The following EIF2S3 variants were observed in gnomAD, a reference collection of about 807,000 sequenced individuals.
EIF2S3 encodes eukaryotic translation initiation factor 2 subunit gamma.
A neutral mutation model predicts 31.7 loss-of-function variants in EIF2S3; 2 were observed. The ratio of observed to expected loss-of-function variants is 0.06; its 90% confidence interval spans 0.03 to 0.20. The LOEUF (loss-of-function observed/expected upper bound fraction) is 0.20. Ranked by LOEUF, EIF2S3 falls within the 10% of genes least tolerant of loss-of-function variation. The pLI is 1.00. For synonymous variants in EIF2S3, 120 were observed against 126.7 expected (o/e 0.95, Z 0.36); for missense variants, 96 against 359.3 (o/e 0.27, Z 5.92).
chrX:24,064,164 CTG>C (rs763714605), intron 6 of EIF2S3, 35 bp from the exon 7 acceptor site: 140 of 1,069,959 alleles, frequency 1.3e-4, no homozygotes, highest in South Asian at 2.9e-4. Flanking sequence ...TTTTATAAAA[CTG>C]TATAATTTTG....
rs144643953 is a variant in EIF2S3, at chrX:24,054,985, C to G, written c.17C>G (p.Ala6Gly). Residue 6 changes from alanine to glycine, a missense_variant, in exon 1 of 12, where the codon GCT (alanine) becomes GGT (glycine). Physicochemically the swap from Ala to Gly is moderately conservative, Grantham distance 60. Coordinates refer to ENST00000253039, the MANE Select transcript of EIF2S3 (RefSeq NM_001415.4). MAGGE[A>G]GVTLGQPHLS... ...TTTGGCAACATGGCGGGCGGAGAAG[C>G]TGGAGTGACTCTAGGGCAGCCGCAT... The G allele has an allele frequency of 3.4e-5, 41 of 1,208,586 alleles. No homozygotes were observed. The East Asian group carries it at 7.7e-4, about 23-fold the overall frequency.
At position 24,065,802 on chromosome X, in the gene EIF2S3, ATAAACT is replaced by A. The variant is rs1930563494; in HGVS notation, c.773-192_773-187del. Among the ~76,000 whole-genome samples the A allele has an allele frequency of 3.6e-5, 4 of 111,879 alleles. No individual in the cohort carries two copies. In the Admixed American group the frequency reaches 3.8e-4, roughly 11 times the overall value. ...GGTATACCCTATATGCCACTTATTA[ATAAACT>A]TAAGTTACTTTCATTTTTTCCATCA... On this transcript the variant is annotated intron_variant, in intron 7 of 11. Coordinates refer to ENST00000253039, the MANE Select transcript of EIF2S3 (RefSeq NM_001415.4).
chrX:24,074,418 C>G (rs1930718426), intron 11 of EIF2S3, among the ~76,000 whole-genome samples: 1 of 111,871 alleles, frequency 8.9e-6, no homozygotes, highest in African/African-American at 3.2e-5. Flanking sequence ...ACTATGTAGT[C>G]AAGATGTTGT....
chrX:24,061,284 C>T (rs1304428401), intron 5 of EIF2S3, among the ~76,000 whole-genome samples: 29 of 89,569 alleles, frequency 3.2e-4, no homozygotes, highest in Non-Finnish European at 5.6e-4. Flanking sequence ...AAGCTGGGTG[C>T]GGTGGCTCAC....
intron 10 of EIF2S3, among the ~76,000 whole-genome samples, 175 bp from the exon 11 acceptor site, chrX:24,072,916 A>G (rs772063392): frequency 8.9e-6 from 1 of 112,172 alleles, no homozygotes; most frequent in Non-Finnish European, 1.9e-5. Flanking sequence ...GTGTAAATTC[A>G]GTGGGTGCCA....
intron 9 of EIF2S3, among the ~76,000 whole-genome samples, chrX:24,071,180 G>A (rs891432964): frequency 9.1e-6 from 1 of 109,412 alleles, no homozygotes; most frequent in African/African-American, 3.3e-5. Context: ...TATGGCTTTG[G>A]GGTATCTAAT....
At chrX:24,067,872 G>GCC (rs774439965) in intron 8 of EIF2S3, 92 bp from the exon 9 acceptor site, 1 of 1,000,850 alleles carries the variant, frequency 1.0e-6, no homozygotes, top group Admixed American at 3.0e-5. Flanking sequence ...ACACATGTGA[G>GCC]CCACCGCACC....
Position 24,071,559 on chromosome X carries a change from A to C in EIF2S3, c.1014A>C (p.Gly338=). ...LQYAAPGGLI[G]VGTKIDPTLC... Reference sequence around the variant, plus strand: ...TATATACATCTTATTTTTATATAGGAGTTGGAACAAAAATTGACCCCACTT... The same window carrying C: ...TATATACATCTTATTTTTATATAGGCGTTGGAACAAAAATTGACCCCACTT... The change falls in exon 10 of 12, where the codon GGA becomes GGC. Residue 338 remains glycine (G), a splice_region_variant and synonymous_variant. Transcript: ENST00000253039. 6.6e-6 allele frequency: 8 copies of C among 1,206,655 alleles called. No individual in the cohort carries two copies. Among genetic ancestry groups the C allele is most frequent in the Non-Finnish European group, 8.9e-6 (8 of 894,126 alleles).
intron 4 of EIF2S3, 94 bp downstream of exon 4, chrX:24,057,848 A>G (rs1021996846): frequency 1.1e-4 from 104 of 933,674 alleles, no homozygotes; most frequent in Non-Finnish European, 1.4e-4. Flanking sequence ...CGGTGAACCT[A>G]ATGGCTAAAT....
In EIF2S3 at chrX:24,062,269, C is replaced by T. The variant is rs1410845086; in HGVS notation, c.479-147C>T. On this transcript the variant is annotated intron_variant, in intron 5 of 11. Transcript: ENST00000253039. Reference sequence around the variant, plus strand: ...TTTTGTATCACCGCAAAAGGAAACCCCATGCCCATGAAGCGTCAGTCCACA... The same window carrying T: ...TTTTGTATCACCGCAAAAGGAAACCTCATGCCCATGAAGCGTCAGTCCACA... 3 of 548,568 alleles carry T rather than the reference C, an allele frequency of 5.5e-6. No individual in the cohort carries two copies. The Admixed American group carries it at 1.4e-4, about 25-fold the overall frequency. The allele number at this position is 548,568 out of a possible 1,213,427, so 45.2% of individuals were successfully genotyped here.
At chrX:24,056,515 CA>C (rs769317992) in intron 2 of EIF2S3, among the ~76,000 whole-genome samples, 5 of 111,942 alleles carry the variant, frequency 4.5e-5, no homozygotes, top group Non-Finnish European at 7.5e-5. Flanking sequence ...TTTGTTGTGT[CA>C]GGGCCCATCA....
chrX:24,073,270 T>G lies in EIF2S3; in HGVS notation c.1355+7T>G, dbSNP rs759120976. On this transcript the variant is annotated splice_region_variant and intron_variant, in intron 11 of 11. Transcript: ENST00000253039. ...GAGTTGAAAAACACTGGCGGTAAGT[T>G]TGTTAGTCTTTGCCACTGTCTAATT... 2.3e-5 allele frequency: 28 copies of G among 1,208,815 alleles called. No individual in the cohort carries two copies. In the Admixed American group the frequency reaches 2.9e-4, roughly 12 times the overall value.
intron 5 of EIF2S3, 88 bp downstream of exon 5, chrX:24,060,270 C>A: frequency 1.3e-6 from 1 of 789,181 alleles, no homozygotes; most frequent in Non-Finnish European, 1.9e-6. Context: ...CTTTAAGGAT[C>A]ATATCTATTA....
At position 24,056,377 on chromosome X, in the gene EIF2S3, C is replaced by T. The variant is rs949274101; in HGVS notation, c.133+699C>T. On this transcript the variant is annotated intron_variant, in intron 2 of 11. Coordinates refer to ENST00000253039, the MANE Select transcript of EIF2S3 (RefSeq NM_001415.4). ...TGACCTTGGAGCATAACCTAACCTCCGAACAACCTATGCTAAGACTATACC... is the reference window on the plus strand; with the variant it reads ...TGACCTTGGAGCATAACCTAACCTCTGAACAACCTATGCTAAGACTATACC... 8.1e-5 allele frequency among the ~76,000 whole-genome samples: 9 copies of T among 111,758 alleles called. No homozygotes were observed. The East Asian group carries it at 1.1e-3, about 14-fold the overall frequency.
chrX:24,064,988 A>G (rs1023428249), intron 7 of EIF2S3, among the ~76,000 whole-genome samples: 1 of 111,972 alleles, frequency 8.9e-6, no homozygotes, highest in Non-Finnish European at 1.9e-5. Context: ...CAATTAACGA[A>G]GAACTGATAC....
At chrX:24,059,715 G>A (rs1229717487) in intron 4 of EIF2S3, among the ~76,000 whole-genome samples, 2 of 111,968 alleles carry the variant, frequency 1.8e-5, no homozygotes, top group African/African-American at 6.5e-5. Context: ...GAGCCATTGC[G>A]CCCAGCCAGA....
At chrX:24,057,929 A>G (rs781674548) in intron 4 of EIF2S3, among the ~76,000 whole-genome samples, 175 bp downstream of exon 4, 1 of 112,796 alleles carries the variant, frequency 8.9e-6, no homozygotes, top group South Asian at 3.6e-4. Flanking sequence ...AACCTAAGTT[A>G]AAATACTTAC....
chrX:24,072,913 T>A (rs1930694499), intron 10 of EIF2S3, among the ~76,000 whole-genome samples, 178 bp from the exon 11 acceptor site: 1 of 112,053 alleles, frequency 8.9e-6, no homozygotes, highest in South Asian at 3.7e-4. Flanking sequence ...CTTGTGTAAA[T>A]TCAGTGGGTG....
At position 24,062,583 on chromosome X, in the gene EIF2S3, C is replaced by G. The variant is rs1433325438; in HGVS notation, c.637+9C>G. ...CCTTGCATTTGTCCAAGGTAAGAAGCCATAATATGAAATAAATCTATGAAT... is the reference window on the plus strand; with the variant it reads ...CCTTGCATTTGTCCAAGGTAAGAAGGCATAATATGAAATAAATCTATGAAT... On this transcript the variant is annotated intron_variant, in intron 6 of 11. Transcript: ENST00000253039. The G allele has an allele frequency of 8.3e-7, 1 of 1,203,508 alleles. No homozygotes were observed. The highest frequency in any genetic ancestry group is 1.1e-6 in the Non-Finnish European group (1 of 892,257).
Sources: allele counts gnomAD v4.1 joint callset (sites outside exome capture counted in the v4.1 genomes callset), GRCh38; gene constraint gnomAD v4.1.1; transcripts MANE v1.5; gene names NCBI Gene and HGNC (gene_info 2026-07-23, HGNC 2026-07-21).